Variants in CDH13 observed in about 807,000 individuals in gnomAD.
The protein encoded by CDH13 is cadherin-13.
Under a neutral mutation model 63.8 loss-of-function variants are expected in CDH13, and 24 were observed. The ratio of observed to expected loss-of-function variants is 0.38; its 90% CI spans 0.27 to 0.53. The LOEUF is 0.53. CDH13 is among the 20% of genes least tolerant of loss of function. The pLI is 0.85. For synonymous variants in CDH13, 503 were observed against 355.3 expected (o/e 1.42, Z -4.67); for missense variants, 1,049 against 903.1 (o/e 1.16, Z -2.07).
intron 8 of CDH13, among the ~76,000 whole-genome samples, chr16:83,652,824 T>A (rs993277050): frequency 6.6e-6 from 1 of 152,144 alleles, no homozygotes; most frequent in South Asian, 2.1e-4. Flanking sequence ...AATGAAGGCA[T>A]AAGTCCTCCC....
At chr16:83,659,152 A>AACACAAG (rs1913200248) in intron 8 of CDH13, among the ~76,000 whole-genome samples, 1 of 142,014 alleles carries the variant, frequency 7.0e-6, no homozygotes. Flanking sequence ...GCAAGGTCCC[A>AACACAAG]TGTCCTCACC....
intron 8 of CDH13, among the ~76,000 whole-genome samples, chr16:83,621,187 G>T (rs1365760220): frequency 6.6e-6 from 1 of 152,164 alleles, no homozygotes; most frequent in East Asian, 1.9e-4. Flanking sequence ...TCCCGTGAAA[G>T]GATTAGCAAT....
chr16:82,735,469 C>T (rs1470883127), intron 1 of CDH13, among the ~76,000 whole-genome samples: 1 of 152,192 alleles, frequency 6.6e-6, no homozygotes, highest in African/African-American at 2.4e-5. Context: ...ACTTCATGAA[C>T]TAGAGTATCG....
At chr16:82,895,255 A>G (rs2041212832) in intron 2 of CDH13, among the ~76,000 whole-genome samples, 2 of 152,092 alleles carry the variant, frequency 1.3e-5, no homozygotes, top group African/African-American at 4.8e-5. Flanking sequence ...TTCTGTCTCT[A>G]AAAATTTACC....
chr16:82,747,236 G>A (rs1041480234), intron 1 of CDH13, among the ~76,000 whole-genome samples: 3 of 152,088 alleles, frequency 2.0e-5, no homozygotes, highest in African/African-American at 7.2e-5. Flanking sequence ...AGCATACCTG[G>A]GACCTGGTTA....
rs540541574 is a variant in CDH13 at position 83,666,220 on chromosome 16, A to G, written c.1102-4570A>G. ...AAAGTGAGCATTGCTATAGAAATGT[A>G]AAATGGTACCATTTCATTTTAATCT... On this transcript the variant is annotated intron_variant, in intron 8 of 13. Coordinates refer to ENST00000567109, the MANE Select transcript of CDH13 (RefSeq NM_001257.5). Among the ~76,000 whole-genome samples, 3 of 152,336 alleles carry G rather than the reference A, an allele frequency of 2.0e-5. 1 individual carries two copies. The South Asian group carries it at 6.2e-4, about 32-fold the overall frequency.
intron 1 of CDH13, among the ~76,000 whole-genome samples, chr16:82,629,247 C>A (rs1455559288): frequency 4.6e-5 from 7 of 152,162 alleles, no homozygotes; most frequent in Non-Finnish European, 1.5e-5. Flanking sequence ...TCTGAAGGCT[C>A]ACTCTATTTA....
chr16:83,400,192 C>T (rs75126927), intron 6 of CDH13, among the ~76,000 whole-genome samples: 5,917 of 151,968 alleles, frequency 0.039, 129 homozygotes, highest in East Asian at 0.059. Flanking sequence ...CTTGGGACTC[C>T]TTGATGGCCA....
intron 4 of CDH13, among the ~76,000 whole-genome samples, chr16:83,190,865 A>C (rs1391847259): frequency 6.6e-6 from 1 of 151,966 alleles, no homozygotes; most frequent in Admixed American, 6.6e-5. Flanking sequence ...ATAATGGCTA[A>C]TTGCTAAGCA....
chr16:82,992,720 T>C (rs2151408409), intron 2 of CDH13, among the ~76,000 whole-genome samples: 2 of 152,320 alleles, frequency 1.3e-5, no homozygotes, highest in East Asian at 3.9e-4. Flanking sequence ...AGTTACTATG[T>C]GGTTCTTGGC....
chr16:83,242,357 T>A (rs1904547063), intron 5 of CDH13, among the ~76,000 whole-genome samples: 1 of 152,228 alleles, frequency 6.6e-6, no homozygotes, highest in Non-Finnish European at 1.5e-5. Context: ...ACAGGTACTC[T>A]GAAGAATATA....
intron 1 of CDH13, among the ~76,000 whole-genome samples, chr16:82,636,205 C>T (rs1032746217): frequency 6.6e-6 from 1 of 152,082 alleles, no homozygotes; most frequent in Non-Finnish European, 1.5e-5. Flanking sequence ...TGCTTGAGTT[C>T]TGACTCTTCC....
In CDH13 at chr16:82,858,121, C is replaced by T. The variant is rs78957483; in HGVS notation, c.46-241C>T. 3.7e-3 allele frequency among the ~76,000 whole-genome samples: 562 copies of T among 152,258 alleles called. 24 individuals are homozygous for T. In the East Asian group the frequency reaches 0.087, roughly 23 times the overall value. The stretch of plus-strand genomic sequence containing the variant: ...AATCTTAGCAGGTGTAAAAATCTGA[C>T]GAAGTTATTTCTTTAACTGCAATTT... On this transcript the variant is annotated intron_variant, in intron 1 of 13. Transcript: ENST00000567109.
chr16:82,719,425 G>A, intron 1 of CDH13: 1 of 455,962 alleles, frequency 2.2e-6, no homozygotes, highest in Non-Finnish European at 4.4e-6. Context: ...ATGGCTTGGA[G>A]TCTGAGGCTC....
At chr16:83,438,551 T>C (rs886951296) in intron 6 of CDH13, among the ~76,000 whole-genome samples, 1 of 152,234 alleles carries the variant, frequency 6.6e-6, no homozygotes, top group African/African-American at 2.4e-5. Context: ...CTAGTACAGC[T>C]GCTAAATTCA....
At chr16:83,711,548 C>T (rs1908054801) in intron 10 of CDH13, among the ~76,000 whole-genome samples, 1 of 152,096 alleles carries the variant, frequency 6.6e-6, no homozygotes, top group Admixed American at 6.6e-5. Flanking sequence ...AAAGGTCTTA[C>T]TCTCTTACCC....
At chr16:82,983,498 A>T (rs76155332) in intron 2 of CDH13, among the ~76,000 whole-genome samples, 1,847 of 152,324 alleles carry the variant, frequency 0.012, 34 homozygotes, top group African/African-American at 0.039. Flanking sequence ...GATTCCAGGA[A>T]GACAGAATTT....
intron 1 of CDH13, among the ~76,000 whole-genome samples, chr16:82,845,131 A>C (rs1204012844): frequency 6.6e-6 from 1 of 152,154 alleles, no homozygotes; most frequent in Admixed American, 6.5e-5. Context: ...AAGGCAGGAA[A>C]GGAGAGAGAA....
intron 7 of CDH13, among the ~76,000 whole-genome samples, chr16:83,495,009 G>C (rs1476498374): frequency 6.6e-6 from 1 of 152,136 alleles, no homozygotes. Flanking sequence ...GGGCCAAATA[G>C]TAAATCGTAT....
Sources: gnomAD v4.1 joint callset for allele counts (sites outside exome capture counted in the v4.1 genomes callset) on GRCh38, gnomAD v4.1.1 for gene constraint, MANE v1.5 for transcripts, NCBI Gene and HGNC (gene_info 2026-07-23, HGNC 2026-07-21) for gene names.